The following ATP13A5 variants were observed in gnomAD, a reference collection of about 807,000 sequenced individuals.
ATP13A5 encodes ATPase 13A5.
ATP13A5 carries 149 observed loss-of-function variants against 150.2 expected under a neutral mutation model. That is an observed-to-expected ratio of 0.99 (90% CI 0.87 to 1.14). The LOEUF (loss-of-function observed/expected upper bound fraction) is 1.14. ATP13A5 is among the 50% of genes most tolerant of loss of function. The pLI is 0.00. For synonymous variants in ATP13A5, 497 were observed against 522.2 expected (o/e 0.95, Z 0.66); for missense variants, 1,383 against 1,449.3 (o/e 0.95, Z 0.74).
intron 2 of ATP13A5, 34 bp from the exon 3 acceptor site, chr3:193,363,416 A>T (rs1713117720): frequency 1.3e-6 from 2 of 1,595,256 alleles, no homozygotes; most frequent in South Asian, 2.3e-5. Context: ...GAAATTCTCA[A>T]GTGTTATTCA....
At chr3:193,298,819 C>A (rs1455006269) in intron 25 of ATP13A5, among the ~76,000 whole-genome samples, 2 of 152,092 alleles carry the variant, frequency 1.3e-5, no homozygotes, top group African/African-American at 2.4e-5. Flanking sequence ...GGAAAGTGAC[C>A]TTTGGGTTTT....
chr3:193,349,947 G>A (rs1422958151), intron 7 of ATP13A5, among the ~76,000 whole-genome samples: 2 of 152,190 alleles, frequency 1.3e-5, no homozygotes, highest in Non-Finnish European at 2.9e-5. Flanking sequence ...CCATACTGTA[G>A]TAGTAACTTT....
At chr3:193,282,632 C>T (rs1717550650) in intron 27 of ATP13A5, among the ~76,000 whole-genome samples, 1 of 152,212 alleles carries the variant, frequency 6.6e-6, no homozygotes, top group South Asian at 2.1e-4. Flanking sequence ...CCGCCTTGGC[C>T]TCCCAAAGTG....
intron 1 of ATP13A5, 119 bp downstream of exon 1, chr3:193,378,544 C>T (rs1649235943): frequency 6.6e-6 from 6 of 909,252 alleles, no homozygotes; most frequent in Non-Finnish European, 6.9e-6. Context: ...AGACTGAAAC[C>T]TTTCAAGGTC....
intron 12 of ATP13A5, among the ~76,000 whole-genome samples, chr3:193,330,073 G>A (rs1711571595): frequency 6.6e-6 from 1 of 152,058 alleles, no homozygotes; most frequent in Admixed American, 6.6e-5. Flanking sequence ...ACACCCCATG[G>A]TCCTCTGTTC....
chr3:193,287,138 C>T (rs750498541), intron 26 of ATP13A5, among the ~76,000 whole-genome samples: 61 of 152,040 alleles, frequency 4.0e-4, no homozygotes, highest in Admixed American at 8.5e-4. Context: ...GAGGTTGGTT[C>T]CTAAGACTGA....
At chr3:193,320,598 G>A (rs1412775331) in intron 16 of ATP13A5, among the ~76,000 whole-genome samples, 1 of 151,946 alleles carries the variant, frequency 6.6e-6, no homozygotes, top group Non-Finnish European at 1.5e-5. Flanking sequence ...CAGAGTTAAT[G>A]TGACCTATGC....
At chr3:193,346,414 A>G (rs2108886952) in intron 7 of ATP13A5, among the ~76,000 whole-genome samples, 1 of 152,256 alleles carries the variant, frequency 6.6e-6, no homozygotes, top group Admixed American at 6.5e-5. Flanking sequence ...TCATCCATAC[A>G]GTTCCCCAGA....
intron 16 of ATP13A5, among the ~76,000 whole-genome samples, chr3:193,321,238 C>T (rs753419911): frequency 1.1e-4 from 16 of 152,190 alleles, no homozygotes; most frequent in South Asian, 2.1e-4. Flanking sequence ...ATTATCACCC[C>T]TGCTTCTTAG....
At chr3:193,343,707 A>G (rs763654975) in intron 9 of ATP13A5, among the ~76,000 whole-genome samples, 4 of 152,192 alleles carry the variant, frequency 2.6e-5, no homozygotes, top group Non-Finnish European at 4.4e-5. Context: ...TGTCATATTA[A>G]ACATTTGTTT....
At chr3:193,333,717 A>G (rs372134213) in intron 11 of ATP13A5, 33 bp downstream of exon 11, 2 of 1,596,254 alleles carry the variant, frequency 1.3e-6, no homozygotes, top group Admixed American at 1.7e-5. Context: ...TGCAGAATCT[A>G]TACTATTGAA....
At chr3:193,330,755 A>C (rs560637412) in intron 12 of ATP13A5, among the ~76,000 whole-genome samples, 135 of 152,376 alleles carry the variant, frequency 8.9e-4, no homozygotes, top group African/African-American at 3.0e-3. Context: ...GAGAGGAAAC[A>C]GATTCACTTA....
intron 1 of ATP13A5, among the ~76,000 whole-genome samples, chr3:193,369,863 G>A (rs771614782): frequency 1.3e-5 from 2 of 152,184 alleles, no homozygotes; most frequent in Non-Finnish European, 2.9e-5. Flanking sequence ...TTAAAGAGAG[G>A]TGTAAGGTGT....
chr3:193,311,453 A>C (rs1181975799), intron 20 of ATP13A5, among the ~76,000 whole-genome samples: 1 of 152,220 alleles, frequency 6.6e-6, no homozygotes, highest in African/African-American at 2.4e-5. Context: ...AAGAAGGGGA[A>C]TAGAGCTTAG....
chr3:193,300,426 C>T (rs1718354446), intron 24 of ATP13A5, among the ~76,000 whole-genome samples: 1 of 152,098 alleles, frequency 6.6e-6, no homozygotes, highest in Admixed American at 6.6e-5. Flanking sequence ...TTGTTTCTTC[C>T]CACCAGGCTG....
At position 193,279,435 on chromosome 3, in the gene ATP13A5, C is replaced by T; in HGVS notation, c.3246G>A (p.Leu1082=). 6.2e-7 allele frequency: 1 copy of T among 1,613,494 alleles called. No homozygotes were observed. The change falls in exon 28 of 30, where the codon CTG becomes CTA. Residue 1082 remains leucine, a synonymous_variant. Transcript: ENST00000342358. ...IYTNYIFSFL[L]LAALGLTIFI... is the part of the protein sequence containing the mutation. ...AAATTGTGAGGCCCAAGGCAGCTAGCAGCAGAAATGAAAATATATCTGAGG... is the reference window on the plus strand; with the variant it reads ...AAATTGTGAGGCCCAAGGCAGCTAGTAGCAGAAATGAAAATATATCTGAGG...
intron 9 of ATP13A5, among the ~76,000 whole-genome samples, chr3:193,341,164 TCC>T (rs140581417): frequency 4.1e-5 from 5 of 121,452 alleles, no homozygotes; most frequent in Non-Finnish European, 7.1e-5. Context: ...ATTAACATAT[TCC>T]CCCCCCCTCC....
Position 193,364,239 on chromosome 3 carries a change from GA to G in ATP13A5, c.104del (p.Phe35SerfsTer8), listed in dbSNP as rs752507211. ...AGGTCAGCACGGATGCGACAAGGCA[GA>G]AGGCTTTCCGTACATTGTGGTCCCG... ...GYRDHNVRKA[F>X]CLVASVLTCG... On this transcript the variant is annotated frameshift_variant, in exon 2 of 30. Transcript: ENST00000342358. LOFTEE classifies it high-confidence loss of function. 69 of 1,613,994 alleles carry G rather than the reference GA, an allele frequency of 4.3e-5. No homozygotes were observed. Among genetic ancestry groups the G allele is most frequent in the Non-Finnish European group, 5.5e-5 (65 of 1,179,970 alleles).
chr3:193,350,068 A>G (rs1012383775), intron 7 of ATP13A5, among the ~76,000 whole-genome samples: 1 of 152,106 alleles, frequency 6.6e-6, no homozygotes, highest in Non-Finnish European at 1.5e-5. Flanking sequence ...GTATTATTTT[A>G]AAAACATGAA....
Sources: gnomAD v4.1 joint callset for allele counts (sites outside exome capture counted in the v4.1 genomes callset) on GRCh38, gnomAD v4.1.1 for gene constraint, MANE v1.5 for transcripts, NCBI Gene and HGNC (gene_info 2026-07-23, HGNC 2026-07-21) for gene names.